MGAT4C: variants seen among roughly 807,000 people sequenced by gnomAD.
MGAT4C encodes the protein alpha-1,3-mannosyl-glycoprotein 4-beta-N-acetylglucosaminyltransferase C.
Under a neutral mutation model 40.1 loss-of-function variants are expected in MGAT4C, and 19 were observed. That is an observed-to-expected ratio of 0.47 (90% CI 0.33 to 0.70). The LOEUF is 0.70. MGAT4C is among the 30% of genes least tolerant of loss of function. The probability of loss-of-function intolerance (pLI) is 0.02; values close to 1 mark genes in which losing one functional copy is unlikely to be tolerated. For synonymous variants in MGAT4C, 181 were observed against 187.1 expected (o/e 0.97, Z 0.27); for missense variants, 491 against 563.2 (o/e 0.87, Z 1.30).
At chr12:86,593,111 C>T (rs917702751) in intron 2 of MGAT4C, among the ~76,000 whole-genome samples, 3 of 150,736 alleles carry the variant, frequency 2.0e-5, no homozygotes, top group Non-Finnish European at 4.4e-5. Flanking sequence ...CTCTGGTTTC[C>T]TTGATTTTTT....
chr12:86,244,755 A>G (rs1415196309), intron 1 of MGAT4C, among the ~76,000 whole-genome samples: 1 of 152,208 alleles, frequency 6.6e-6, no homozygotes, highest in Non-Finnish European at 1.5e-5. Context: ...AGAAACCCCA[A>G]ACACCACCAG....
chr12:86,036,829 C>G (rs1891283661), intron 2 of MGAT4C, among the ~76,000 whole-genome samples: 1 of 149,796 alleles, frequency 6.7e-6, no homozygotes, highest in Admixed American at 6.7e-5. Context: ...GGGAGGTGTC[C>G]CCCTTTTTCT....
intron 2 of MGAT4C, among the ~76,000 whole-genome samples, chr12:86,712,289 C>T (rs144859393): frequency 2.0e-5 from 3 of 151,872 alleles, no homozygotes; most frequent in Admixed American, 2.0e-4. Flanking sequence ...CATTCCAACT[C>T]AAAAAAATAT....
chr12:86,707,249 G>A (rs779690440), intron 2 of MGAT4C, among the ~76,000 whole-genome samples: 2 of 152,192 alleles, frequency 1.3e-5, no homozygotes, highest in Admixed American at 6.5e-5. Flanking sequence ...AAACAGTTTG[G>A]AGGGCTCAGA....
intron 2 of MGAT4C, among the ~76,000 whole-genome samples, chr12:86,725,253 G>A (rs528869813): frequency 1.3e-5 from 2 of 152,216 alleles, no homozygotes; most frequent in Non-Finnish European, 2.9e-5. Context: ...AATGACCAGG[G>A]AGCTGTGTGA....
chr12:86,109,518 A>G (rs1876836685), intron 1 of MGAT4C, among the ~76,000 whole-genome samples: 2 of 152,058 alleles, frequency 1.3e-5, no homozygotes, highest in African/African-American at 2.4e-5. Context: ...TGAATATCTA[A>G]TTATATAGAT....
chr12:86,589,628 GATGAAC>G (rs1961234586), intron 2 of MGAT4C, among the ~76,000 whole-genome samples: 1 of 152,018 alleles, frequency 6.6e-6, no homozygotes, highest in African/African-American at 2.4e-5. Context: ...CAATATCCTT[GATGAAC>G]ATTGACGCAA....
chr12:86,014,508 G>A (rs976874651), intron 2 of MGAT4C, among the ~76,000 whole-genome samples: 15 of 152,140 alleles, frequency 9.9e-5, no homozygotes, highest in Admixed American at 9.2e-4. Context: ...AGTTAACCCA[G>A]TAAGAAACCG....
intron 1 of MGAT4C, among the ~76,000 whole-genome samples, chr12:86,742,287 T>C (rs1951080494): frequency 6.6e-6 from 1 of 151,576 alleles, no homozygotes; most frequent in Non-Finnish European, 1.5e-5. Context: ...GTAAAAATTC[T>C]TCCTTTTTCT....
chr12:86,790,477 A>G (rs1378906437), intron 1 of MGAT4C, among the ~76,000 whole-genome samples: 1 of 152,144 alleles, frequency 6.6e-6, no homozygotes, highest in Admixed American at 6.5e-5. Context: ...CTTCTTTCTT[A>G]AAAGCATACC....
chr12:86,432,935 G>A (rs1428120568), intron 3 of MGAT4C, among the ~76,000 whole-genome samples: 1 of 151,780 alleles, frequency 6.6e-6, no homozygotes, highest in Non-Finnish European at 1.5e-5. Flanking sequence ...TTCCCAAATG[G>A]AAGAAATCAC....
At chr12:86,156,874 A>G (rs1359762204) in intron 1 of MGAT4C, among the ~76,000 whole-genome samples, 1 of 152,202 alleles carries the variant, frequency 6.6e-6, no homozygotes, top group Admixed American at 6.5e-5. Flanking sequence ...CACAAGAGCA[A>G]GATAATTCTC....
intron 2 of MGAT4C, among the ~76,000 whole-genome samples, chr12:86,724,972 A>G (rs1950798227): frequency 6.6e-6 from 1 of 152,208 alleles, no homozygotes; most frequent in Non-Finnish European, 1.5e-5. Context: ...TTCACAATGT[A>G]TAAGTTCTTT....
chr12:86,793,594 T>C (rs1461110532), intron 1 of MGAT4C, among the ~76,000 whole-genome samples: 2 of 152,100 alleles, frequency 1.3e-5, no homozygotes, highest in Admixed American at 6.6e-5. Flanking sequence ...ACATATACTC[T>C]CACGCTCATT....
chr12:86,753,074 C>T (rs1319735990), intron 1 of MGAT4C, among the ~76,000 whole-genome samples: 4 of 152,078 alleles, frequency 2.6e-5, no homozygotes, highest in Non-Finnish European at 5.9e-5. Flanking sequence ...TGTTAAAATT[C>T]GTGACCTATA....
At chr12:86,691,368 AG>A (rs894403034) in intron 2 of MGAT4C, among the ~76,000 whole-genome samples, 2 of 152,222 alleles carry the variant, frequency 1.3e-5, no homozygotes, top group African/African-American at 2.4e-5. Flanking sequence ...GGATTCCAAA[AG>A]CACCAGGTGA....
At chr12:86,696,629 G>C (rs1336661869) in intron 2 of MGAT4C, among the ~76,000 whole-genome samples, 3 of 152,124 alleles carry the variant, frequency 2.0e-5, no homozygotes, top group Admixed American at 6.5e-5. Context: ...GAATGCAACA[G>C]GTTATTTTAG....
chr12:86,708,117 TA>T (rs1181781455), intron 2 of MGAT4C, among the ~76,000 whole-genome samples: 1 of 152,092 alleles, frequency 6.6e-6, no homozygotes, highest in Non-Finnish European at 1.5e-5. Context: ...CCCAGAGGCC[TA>T]GGAGGGAAAA....
chr12:86,423,372 T>G (rs1044240178), intron 3 of MGAT4C, among the ~76,000 whole-genome samples: 2 of 151,700 alleles, frequency 1.3e-5, no homozygotes, highest in African/African-American at 4.8e-5. Context: ...TGTTAGCATG[T>G]AAGTGCTCCA....
Sources: allele counts gnomAD v4.1 joint callset (sites outside exome capture counted in the v4.1 genomes callset), GRCh38; gene constraint gnomAD v4.1.1; transcripts MANE v1.5; gene names NCBI Gene and HGNC (gene_info 2026-07-23, HGNC 2026-07-21).